The following CHADL variants were observed in gnomAD, a reference collection of about 807,000 sequenced individuals.
CHADL encodes chondroadherin like, also known as chondroadherin-like protein.
In CHADL, 48 loss-of-function variants were observed where a neutral mutation model predicts 52.1. That is an observed-to-expected ratio of 0.92 (90% confidence interval 0.73 to 1.17). The LOEUF (loss-of-function observed/expected upper bound fraction) is 1.17, where lower values mean the gene tolerates loss of function less well. CHADL is among the 50% of genes most tolerant of loss of function. CHADL has a pLI of 0.00. For missense variants in CHADL, 977 were observed against 1,035.1 expected (o/e 0.94, Z 0.77); for synonymous variants, 498 against 511.2 (o/e 0.97, Z 0.35).
chr22:41,236,696 TCC>T, intron 3 of CHADL, 46 bp from the exon 4 acceptor site: 1 of 1,503,744 alleles, frequency 6.7e-7, no homozygotes, highest in African/African-American at 1.4e-5. Flanking sequence ...GGCAGAGCTG[TCC>T]CACCCCCAAG....
chr22:41,236,366 G>C (rs988100058), intron 4 of CHADL, 118 bp downstream of exon 4: 1 of 892,804 alleles, frequency 1.1e-6, no homozygotes, highest in African/African-American at 1.7e-5. Flanking sequence ...CACAGGACCC[G>C]CCCCTCCCCA....
chr22:41,231,462 C>T (rs1569156723), intron 5 of CHADL, among the ~76,000 whole-genome samples: 2 of 129,496 alleles, frequency 1.5e-5, no homozygotes, highest in South Asian at 2.3e-4. Context: ...GTGCCATTCT[C>T]CCCAAAGACT....
At chr22:41,230,794 C>T (rs2032548399) in intron 5 of CHADL, 1 of 152,700 alleles carries the variant, frequency 6.5e-6, no homozygotes, top group African/African-American at 2.4e-5. Context: ...TGGTCCTCTG[C>T]TCCTCCTAGC....
At chr22:41,239,060 C>T (rs960381045) in intron 2 of CHADL, among the ~76,000 whole-genome samples, 175 bp from the exon 3 acceptor site, 6 of 152,232 alleles carry the variant, frequency 3.9e-5, no homozygotes, top group African/African-American at 1.4e-4. Flanking sequence ...GCATCACCCA[C>T]TGTGGCATTT....
intron 4 of CHADL, among the ~76,000 whole-genome samples, 170 bp from the exon 5 acceptor site, chr22:41,235,513 A>C (rs2145634405): frequency 6.6e-6 from 1 of 152,326 alleles, no homozygotes; most frequent in African/African-American, 2.4e-5. Context: ...GAGGAGGTCA[A>C]GGAGGCCACC....
chr22:41,229,632 T>A lies in CHADL; in HGVS notation c.*72A>T. ...CGACCCTCAGGGTGCCAGGAAGATC[T>A]CGTCGGAGCCTGTTCCTGGCGAGAG... On this transcript the variant is annotated 3_prime_UTR_variant, in exon 6 of 6. Coordinates refer to ENST00000216241, the MANE Select transcript of CHADL (RefSeq NM_138481.2). 5.6e-6 allele frequency: 9 copies of A among 1,613,744 alleles called. No individual in the cohort carries two copies. Among genetic ancestry groups the A allele is most frequent in the Non-Finnish European group, 6.8e-6 (8 of 1,179,986 alleles).
chr22:41,237,111 A>T, intron 3 of CHADL, 65 bp downstream of exon 3: 1 of 1,442,170 alleles, frequency 6.9e-7, no homozygotes. Flanking sequence ...TTGTTGAGTG[A>T]ATGCACGCTG....
At chr22:41,233,416 T>A (rs924681710) in intron 5 of CHADL, among the ~76,000 whole-genome samples, 5 of 151,834 alleles carry the variant, frequency 3.3e-5, no homozygotes, top group Admixed American at 2.0e-4. Context: ...GAGCCAAGAC[T>A]GTGCCATTGC....
At position 41,229,611 on chromosome 22, in the gene CHADL, C is replaced by T. The variant is rs780008490; in HGVS notation, c.*93G>A. 5 of 1,613,894 alleles carry T rather than the reference C, an allele frequency of 3.1e-6. No individual in the cohort carries two copies. The South Asian group carries it at 5.5e-5, about 18-fold the overall frequency. ...CAAGAAGCCCCTGCTGGAGGACGAC[C>T]CTCAGGGTGCCAGGAAGATCTCGTC... On this transcript the variant is annotated 3_prime_UTR_variant, in exon 6 of 6. Coordinates refer to ENST00000216241, the MANE Select transcript of CHADL (RefSeq NM_138481.2).
rs58285002 is a variant in CHADL at position 41,232,331 on chromosome 22, C to CA, written c.2263-2602dup. On this transcript the variant is annotated intron_variant, in intron 5 of 5. Coordinates refer to ENST00000216241, the MANE Select transcript of CHADL (RefSeq NM_138481.2). ...TGAGCAACAGAGCGAGACTCTGTCT[C>CA]AAAAAAAAAAAAAAAAATTTACACC... Among the ~76,000 whole-genome samples, 1,316 of 133,602 alleles carry CA rather than the reference C, an allele frequency of 9.9e-3. 8 individuals carry two copies. The highest frequency in any genetic ancestry group is 0.031 in the Middle Eastern group (8 of 256). The allele number at this position is 133,602 out of a possible 152,430, so 87.6% of individuals were successfully genotyped here. A position where few individuals can be genotyped will look rare whatever the true frequency, so the allele number is the denominator to read the frequency against.
chr22:41,237,982 C>T lies in CHADL; in HGVS notation c.1090G>A (p.Glu364Lys). The T allele has an allele frequency of 7.9e-7, 1 of 1,260,234 alleles. No individual in the cohort carries two copies. The highest frequency in any genetic ancestry group is 9.9e-7 in the Non-Finnish European group (1 of 1,007,904). 78.1% of individuals were successfully genotyped at this position (1,260,234 alleles called of 1,614,324 possible). Reference sequence around the variant, plus strand: ...GCCCGCTCTTCCAGCTCTTCCTCTTCCTGCGCCGCGTCCCCAGGGCAGCGC... The same window carrying T: ...GCCCGCTCTTCCAGCTCTTCCTCTTTCTGCGCCGCGTCCCCAGGGCAGCGC... ...DLRCPGDAAQ[E>K]EEELEERAVA... The change falls in exon 3 of 6, where the codon GAA (glutamate) becomes AAA (lysine). Residue 364 changes from glutamate (E) to lysine (K), a missense_variant. By Grantham distance (56) the Glu-to-Lys change is moderately conservative. Coordinates refer to ENST00000216241, the MANE Select transcript of CHADL (RefSeq NM_138481.2).
chr22:41,231,503 G>A (rs896173308), intron 5 of CHADL, among the ~76,000 whole-genome samples: 2 of 152,242 alleles, frequency 1.3e-5, no homozygotes, highest in African/African-American at 2.4e-5. Context: ...GCCTGTGTCC[G>A]CCTGTGCGTA....
At chr22:41,231,318 C>T (rs543052466) in intron 5 of CHADL, 2 of 152,338 alleles carry the variant, frequency 1.3e-5, no homozygotes, top group South Asian at 4.1e-4. Flanking sequence ...GTTCTGACCC[C>T]ACCCCCCCAC....
intron 1 of CHADL, among the ~76,000 whole-genome samples, chr22:41,239,909 G>A (rs1472557228): frequency 2.0e-5 from 3 of 152,208 alleles, no homozygotes; most frequent in Admixed American, 6.5e-5. Context: ...CTGACTGTGA[G>A]AATGACTCCA....
chr22:41,238,403 C>A lies in CHADL; in HGVS notation c.669G>T (p.Gly223=). ...LHHNELQALP[G]PVLSQARGLA... ...GGCCGCGGGCCTGGGACAAGACAGGCCCGGGCAGAGCCTGGAGCTCGTTGT... is the reference window on the plus strand; with the variant it reads ...GGCCGCGGGCCTGGGACAAGACAGGACCGGGCAGAGCCTGGAGCTCGTTGT... The change falls in exon 3 of 6, where the codon GGG becomes GGT. Residue 223 remains glycine (G), a synonymous_variant. Transcript: ENST00000216241. The surrounding 1 kb of genome is among the most constrained non-coding windows in gnomAD (Gnocchi z 4.9). 6.6e-7 allele frequency: 1 copy of A among 1,514,354 alleles called. No homozygotes were observed. The highest frequency in any genetic ancestry group is 1.2e-5 in the South Asian group (1 of 80,498). 93.8% of individuals were successfully genotyped at this position (1,514,354 alleles called of 1,614,324 possible).
At chr22:41,236,425 G>A in intron 4 of CHADL, 59 bp downstream of exon 4, 3 of 1,459,482 alleles carry the variant, frequency 2.1e-6, no homozygotes, top group Non-Finnish European at 2.8e-6. Context: ...GAGATGACAG[G>A]GGCTTGACTG....
At chr22:41,230,092 C>CCCCCGA in intron 5 of CHADL, 1 of 969,176 alleles carries the variant, frequency 1.0e-6, no homozygotes, top group South Asian at 1.5e-5. Flanking sequence ...CCCACCCCTC[C>CCCCCGA]CAGAGTTATT....
At chr22:41,235,450 A>G (rs2032724238) in intron 4 of CHADL, 107 bp from the exon 5 acceptor site, 1 of 813,712 alleles carries the variant, frequency 1.2e-6, no homozygotes, top group Non-Finnish European at 1.9e-6. Flanking sequence ...AGGCAGCACA[A>G]GGCCACAGGC....
In CHADL at chr22:41,229,588, A is replaced by G. The variant is rs1210518309; in HGVS notation, c.*116T>C. 1.2e-6 allele frequency: 2 copies of G among 1,613,674 alleles called. No individual in the cohort carries two copies. The highest frequency in any genetic ancestry group is 1.7e-5 in the Admixed American group (1 of 60,016). ...ACGCGACCCCTCAGACAGGGGTCCA[A>G]GAAGCCCCTGCTGGAGGACGACCCT... On this transcript the variant is annotated 3_prime_UTR_variant, in exon 6 of 6. Transcript: ENST00000216241.
Sources: allele counts gnomAD v4.1 joint callset (sites outside exome capture counted in the v4.1 genomes callset), GRCh38; gene constraint gnomAD v4.1.1; non-coding constraint Gnocchi (gnomAD v3.1); transcripts MANE v1.5; gene names NCBI Gene and HGNC (gene_info 2026-07-23, HGNC 2026-07-21).